The following PARVB variants were observed in gnomAD, a reference collection of about 807,000 sequenced individuals.
PARVB encodes the protein beta-parvin.
Under a neutral mutation model 47.0 loss-of-function variants are expected in PARVB, and 46 were observed. The observed-to-expected ratio is 0.98, with a 90% CI of 0.77 to 1.25. The LOEUF (loss-of-function observed/expected upper bound fraction) is 1.25, where lower values mean the gene tolerates loss of function less well. PARVB is among the 50% of genes most tolerant of loss of function. The pLI is 0.00. For synonymous variants in PARVB, 196 were observed against 196.3 expected, an observed-to-expected ratio of 1.00 and a Z score of 0.01; for missense variants, 473 against 471.6, an observed-to-expected ratio of 1.00 and a Z score of -0.03.
chr22:44,116,638 G>C (rs545461337), intron 3 of PARVB, among the ~76,000 whole-genome samples: 1 of 152,204 alleles, frequency 6.6e-6, no homozygotes, highest in African/African-American at 2.4e-5. Flanking sequence ...ATAGCTTCTG[G>C]CCTCATAGAC....
intron 12 of PARVB, among the ~76,000 whole-genome samples, chr22:44,166,526 T>A (rs973466314): frequency 6.6e-6 from 1 of 152,230 alleles, no homozygotes; most frequent in African/African-American, 2.4e-5. Context: ...TTCCTACTCA[T>A]CTGCCGCTGG....
At chr22:44,007,521 C>T (rs1355923939) in intron 2 of PARVB, among the ~76,000 whole-genome samples, 4 of 152,172 alleles carry the variant, frequency 2.6e-5, no homozygotes, top group Non-Finnish European at 5.9e-5. Flanking sequence ...CGCTCCTCAG[C>T]GGGAAGTCTC....
intron 1 of PARVB, among the ~76,000 whole-genome samples, chr22:44,083,808 G>A (rs1041162137): frequency 6.6e-6 from 1 of 152,132 alleles, no homozygotes; most frequent in Non-Finnish European, 1.5e-5. Flanking sequence ...TGGGAGCCAT[G>A]GGGTGCACTG....
chr22:44,037,339 C>T (rs2050939952), intron 1 of PARVB, among the ~76,000 whole-genome samples: 1 of 152,148 alleles, frequency 6.6e-6, no homozygotes, highest in Non-Finnish European at 1.5e-5. Context: ...GGGAGGATCG[C>T]TTGAGCCTGG....
At chr22:44,019,163 C>T (rs758557890) in intron 2 of PARVB, among the ~76,000 whole-genome samples, 20 of 151,670 alleles carry the variant, frequency 1.3e-4, no homozygotes, top group African/African-American at 4.1e-4. Flanking sequence ...GTGATCTGCC[C>T]GCCTCGGCCT....
intron 3 of PARVB, chr22:44,107,416 C>G (rs2052591755): frequency 1.3e-5 from 2 of 152,210 alleles, no homozygotes; most frequent in South Asian, 2.1e-4. Flanking sequence ...AAGGAGAAAC[C>G]TAGACCTGGC....
At chr22:44,037,284 A>G (rs2050939084) in intron 1 of PARVB, among the ~76,000 whole-genome samples, 1 of 151,484 alleles carries the variant, frequency 6.6e-6, no homozygotes, top group South Asian at 2.1e-4. Context: ...TTAGCCAGGC[A>G]TGGTGGCTTT....
rs138478155 is a variant in PARVB, at chr22:44,044,481, C to T, written c.112+20030C>T. On this transcript the variant is annotated intron_variant, in intron 1 of 12. Coordinates refer to ENST00000338758, the MANE Select transcript of PARVB (RefSeq NM_013327.5). Reference sequence around the variant, plus strand: ...CTGGGATTACAGGCGTGAGCCACCACGCCCGGCCTGTTTTGTATTTTTGAG... The same window carrying T: ...CTGGGATTACAGGCGTGAGCCACCATGCCCGGCCTGTTTTGTATTTTTGAG... Among the ~76,000 whole-genome samples the T allele has an allele frequency of 6.5e-3, 948 of 145,790 alleles. 3 individuals are homozygous for T. The highest frequency in any genetic ancestry group is 0.011 in the Non-Finnish European group (729 of 66,662).
intron 4 of PARVB, among the ~76,000 whole-genome samples, chr22:44,124,480 G>T (rs2053142679): frequency 6.6e-6 from 1 of 152,154 alleles, no homozygotes; most frequent in African/African-American, 2.4e-5. Flanking sequence ...TGGTGGAAGG[G>T]TCTCCCCATG....
chr22:44,073,488 A>T (rs111517561), intron 1 of PARVB, among the ~76,000 whole-genome samples: 1 of 152,296 alleles, frequency 6.6e-6, no homozygotes, highest in South Asian at 2.1e-4. Flanking sequence ...AGTGAGAGTC[A>T]GTCTCAAAAA....
At position 44,131,548 on chromosome 22, in the gene PARVB, A is replaced by T. The variant is rs970846284; in HGVS notation, c.438A>T (p.Lys146Asn). 1.2e-5 allele frequency: 20 copies of T among 1,614,040 alleles called. No homozygotes were observed. The highest frequency in any genetic ancestry group is 1.7e-5 in the Non-Finnish European group (20 of 1,180,032). ...TGACACAGTCCGAAATAGGGCAGAA[A>T]CAGAAGCTGCAGACGGTGCTGGAAG... ...AEVTQSEIGQKQKLQTVLEAV... is the reference protein window; with the variant it reads ...AEVTQSEIGQNQKLQTVLEAV... The change falls in exon 5 of 13, where the codon AAA (lysine) becomes AAT (asparagine). Residue 146 changes from lysine to asparagine, a missense_variant. Transcript: ENST00000338758.
In PARVB at chr22:44,131,527, A is replaced by G. The variant is rs558975090; in HGVS notation, c.417A>G (p.Thr139=). The G allele has an allele frequency of 4.3e-6, 7 of 1,614,048 alleles. No homozygotes were observed. The South Asian group carries it at 7.7e-5, about 18-fold the overall frequency. Residue 139 remains threonine (T), a synonymous_variant, in exon 5 of 13, where the codon ACA becomes ACG. Coordinates refer to ENST00000338758, the MANE Select transcript of PARVB (RefSeq NM_013327.5). ...GCAAGCTGAATGTGGCTGAGGTGAC[A>G]CAGTCCGAAATAGGGCAGAAACAGA... ...AGCKLNVAEV[T]QSEIGQKQKL...
chr22:43,999,598 G>T (rs986386441), exon 2 of PARVB: 10 of 1,613,762 alleles, frequency 6.2e-6, no homozygotes, highest in Non-Finnish European at 8.5e-6. Flanking sequence ...GGCACTCATG[G>T]CTTCTCTGGC....
chr22:44,078,385 T>C (rs1336525456), intron 1 of PARVB, among the ~76,000 whole-genome samples: 1 of 152,168 alleles, frequency 6.6e-6, no homozygotes, highest in Non-Finnish European at 1.5e-5. Flanking sequence ...ATCCACAGCA[T>C]GGACTGAGTT....
At chr22:44,022,230 A>G (rs1427824173), upstream of PARVB, among the ~76,000 whole-genome samples, 1 of 152,020 alleles carries the variant, frequency 6.6e-6, no homozygotes, top group Admixed American at 6.6e-5. Context: ...CAGCTCATGG[A>G]ACTTTGTGCT....
chr22:44,151,585 C>G (rs1192611077), intron 10 of PARVB, 34 bp downstream of exon 10: 2 of 1,519,718 alleles, frequency 1.3e-6, no homozygotes, highest in Admixed American at 1.7e-5. Flanking sequence ...GATCCTTTGT[C>G]CACCGCCATT....
At position 44,155,005 on chromosome 22, in the gene PARVB, G is replaced by A. The variant is rs111679136; in HGVS notation, c.844-2977G>A. On this transcript the variant is annotated intron_variant, in intron 10 of 12. Transcript: ENST00000338758. This position sits in a 1 kb window ranked among gnomAD's most constrained non-coding sequence, Gnocchi z 4.8. ...GTGTGTGGTTTTTGTAGTCTGTGTG[G>A]TGTGTGTGTGTGGTTTTTGTAGTCT... 1.9e-5 allele frequency among the ~76,000 whole-genome samples: 2 copies of A among 106,172 alleles called. No homozygotes were observed. The highest frequency in any genetic ancestry group is 1.1e-4 in the Admixed American group (1 of 9,414). The allele number at this position is 106,172 out of a possible 152,430, so 69.7% of individuals were successfully genotyped here.
intron 5 of PARVB, 100 bp downstream of exon 5, chr22:44,131,727 T>C: frequency 7.5e-7 from 1 of 1,326,428 alleles, no homozygotes; most frequent in Non-Finnish European, 1.0e-6. Flanking sequence ...TCATCCCATC[T>C]GGCCTTGCAT....
At chr22:44,100,868 C>T (rs1259091142) in intron 3 of PARVB, among the ~76,000 whole-genome samples, 1 of 152,130 alleles carries the variant, frequency 6.6e-6, no homozygotes, top group East Asian at 1.9e-4. Flanking sequence ...AGGGTGGGCT[C>T]TTGGGCACAC....
Sources: gnomAD v4.1 joint callset for allele counts (sites outside exome capture counted in the v4.1 genomes callset) on GRCh38, gnomAD v4.1.1 for gene constraint, Gnocchi (gnomAD v3.1) non-coding constraint, MANE v1.5 for transcripts, NCBI Gene and HGNC (gene_info 2026-07-23, HGNC 2026-07-21) for gene names.